The following CCSER1 variants were observed in gnomAD, a reference collection of about 807,000 sequenced individuals.
CCSER1 encodes serine-rich coiled-coil domain-containing protein 1.
In CCSER1, 41 loss-of-function variants were observed where a neutral mutation model predicts 82.0. The ratio of observed to expected loss-of-function variants is 0.50; its 90% CI spans 0.39 to 0.65. CCSER1 has a LOEUF of 0.65. CCSER1 is among the 30% of genes least tolerant of loss of function. The pLI is 0.00. For synonymous variants in CCSER1, 414 were observed against 383.9 expected (o/e 1.08, Z -0.92); for missense variants, 1,119 against 1,064.2 (o/e 1.05, Z -0.72).
At chr4:90,642,867 A>G (rs1726796205) in intron 6 of CCSER1, among the ~76,000 whole-genome samples, 1 of 148,790 alleles carries the variant, frequency 6.7e-6, no homozygotes, top group South Asian at 2.2e-4. Context: ...AAATAAATAC[A>G]TACATACATA....
intron 10 of CCSER1, among the ~76,000 whole-genome samples, chr4:91,427,004 G>A (rs112570491): frequency 1.1e-4 from 16 of 152,226 alleles, no homozygotes; most frequent in African/African-American, 3.9e-4. Flanking sequence ...ATAGTAAGGT[G>A]ACTGTCCTAA....
intron 1 of CCSER1, among the ~76,000 whole-genome samples, chr4:90,214,978 G>A (rs1740758290): frequency 6.6e-6 from 1 of 152,064 alleles, no homozygotes. Context: ...CTTTTTGACA[G>A]ATTTGTTATT....
intron 5 of CCSER1, among the ~76,000 whole-genome samples, chr4:90,554,526 C>T (rs1777889399): frequency 1.3e-5 from 2 of 152,098 alleles, no homozygotes; most frequent in Non-Finnish European, 2.9e-5. Context: ...TATATGAGTA[C>T]ATCTGGATGC....
chr4:90,930,426 C>G (rs977139119), intron 9 of CCSER1, among the ~76,000 whole-genome samples: 1 of 151,804 alleles, frequency 6.6e-6, no homozygotes, highest in African/African-American at 2.4e-5. Flanking sequence ...ACGGTGAAAC[C>G]CCATCTCTAC....
chr4:90,191,206 C>G (rs1279068716), intron 1 of CCSER1, among the ~76,000 whole-genome samples: 1 of 151,886 alleles, frequency 6.6e-6, no homozygotes, highest in East Asian at 1.9e-4. Flanking sequence ...AAGAGATTGA[C>G]AGATGCTGCT....
intron 10 of CCSER1, among the ~76,000 whole-genome samples, chr4:91,263,913 G>A (rs1157782796): frequency 6.6e-6 from 1 of 151,752 alleles, no homozygotes. Flanking sequence ...AATCTATGTG[G>A]TTTGTCAAAA....
chr4:90,191,783 C>A (rs148942402), intron 1 of CCSER1, among the ~76,000 whole-genome samples: 26 of 152,154 alleles, frequency 1.7e-4, no homozygotes, highest in African/African-American at 5.8e-4. Context: ...TTTAAGAAAT[C>A]TACGTTTTCC....
chr4:90,932,524 TG>T (rs1478662473), intron 9 of CCSER1, among the ~76,000 whole-genome samples: 2 of 151,928 alleles, frequency 1.3e-5, no homozygotes, highest in African/African-American at 4.8e-5. Context: ...TTTTAAGTTT[TG>T]GGGGTTATAA....
intron 8 of CCSER1, among the ~76,000 whole-genome samples, chr4:90,903,415 G>T (rs1349171016): frequency 6.6e-6 from 1 of 151,996 alleles, no homozygotes; most frequent in Non-Finnish European, 1.5e-5. Context: ...CAGCCGTCTG[G>T]ATCTGTAAGT....
chr4:90,852,202 C>T (rs953434292), intron 8 of CCSER1, among the ~76,000 whole-genome samples: 4 of 152,158 alleles, frequency 2.6e-5, no homozygotes, highest in Non-Finnish European at 4.4e-5. Context: ...GAAGAGCCCA[C>T]TCACCCTAAA....
chr4:90,309,503 G>A lies in CCSER1; in HGVS notation c.1219G>A (p.Val407Ile), dbSNP rs753090113. Residue 407 changes from valine to isoleucine, a missense_variant, in exon 2 of 11, where the codon GTA becomes ATA. Transcript: ENST00000509176. Reference protein sequence around the residue: ...YEQHKAIAEHVKGIHPISDSK... With the variant: ...YEQHKAIAEHIKGIHPISDSK... ...GCAACATAAAGCAATAGCGGAACAT[G>A]TAAAAGGGATCCATCCTATTTCAGA... The A allele has an allele frequency of 1.2e-5, 19 of 1,613,636 alleles. No homozygotes were observed. The East Asian group carries it at 2.0e-4, about 17-fold the overall frequency.
At chr4:90,276,251 TTTCCTTCCTTCCTTCC>T (rs1225474182) in intron 1 of CCSER1, among the ~76,000 whole-genome samples, 104 of 76,798 alleles carry the variant, frequency 1.4e-3, no homozygotes, top group Middle Eastern at 6.5e-3. Context: ...TCTTTCTTTC[TTTCCTTCCTTCCTTCC>T]TTCCTTCCTT....
intron 5 of CCSER1, among the ~76,000 whole-genome samples, chr4:90,556,072 C>G (rs2153644676): frequency 6.6e-6 from 1 of 152,046 alleles, no homozygotes; most frequent in South Asian, 2.1e-4. Flanking sequence ...GATGTTAAAC[C>G]TTTCTTATGG....
chr4:90,366,165 A>G (rs1037359946), intron 3 of CCSER1, among the ~76,000 whole-genome samples: 1 of 151,928 alleles, frequency 6.6e-6, no homozygotes, highest in Non-Finnish European at 1.5e-5. Context: ...ATGACATTAT[A>G]TTCATGTTAT....
At chr4:90,564,815 G>A (rs1247893396) in intron 5 of CCSER1, among the ~76,000 whole-genome samples, 1 of 151,756 alleles carries the variant, frequency 6.6e-6, no homozygotes. Context: ...CTCCTTTGTT[G>A]AAAATCAGTT....
intron 6 of CCSER1, among the ~76,000 whole-genome samples, chr4:90,672,943 C>T (rs1385378778): frequency 1.3e-5 from 2 of 151,784 alleles, no homozygotes; most frequent in Non-Finnish European, 2.9e-5. Context: ...GTGTGTGGTA[C>T]ACCAAAAAAA....
At chr4:90,669,024 A>G (rs549668718) in intron 6 of CCSER1, among the ~76,000 whole-genome samples, 2 of 152,094 alleles carry the variant, frequency 1.3e-5, no homozygotes, top group Non-Finnish European at 2.9e-5. Flanking sequence ...GAGAGAGATT[A>G]CCAGAAGCTT....
chr4:90,127,793 G>C lies in CCSER1; in HGVS notation c.-80G>C, dbSNP rs190422682. Reference sequence around the variant, plus strand: ...GCCCCGAAGACATAAATCCCTGAGTGCCCGGGAGGAGCCTTAACAAGCGCA... The same window carrying C: ...GCCCCGAAGACATAAATCCCTGAGTCCCCGGGAGGAGCCTTAACAAGCGCA... On this transcript the variant is annotated 5_prime_UTR_variant, in exon 1 of 11. Coordinates refer to ENST00000509176, the MANE Select transcript of CCSER1 (RefSeq NM_001145065.2). The C allele has an allele frequency of 6.8e-3, 1,038 of 152,590 alleles. 10 individuals are homozygous for C. Among genetic ancestry groups the C allele is most frequent in the African/African-American group, 0.022 (910 of 41,574 alleles). 9.5% of individuals were successfully genotyped at this position (152,590 alleles called of 1,614,324 possible). A position where few individuals can be genotyped will look rare whatever the true frequency, so the allele number is the denominator to read the frequency against.
At chr4:91,485,263 G>T (rs940732354) in intron 10 of CCSER1, among the ~76,000 whole-genome samples, 3 of 152,106 alleles carry the variant, frequency 2.0e-5, no homozygotes, top group Non-Finnish European at 2.9e-5. Flanking sequence ...CAGAGCTCTG[G>T]TAGAGGACAA....
Sources: allele counts gnomAD v4.1 joint callset (sites outside exome capture counted in the v4.1 genomes callset), GRCh38; gene constraint gnomAD v4.1.1; transcripts MANE v1.5; gene names NCBI Gene and HGNC (gene_info 2026-07-23, HGNC 2026-07-21).